EXOC6: variants seen among roughly 807,000 people sequenced by gnomAD.
The protein encoded by EXOC6 is SEC15-like 1.
EXOC6 carries 60 observed loss-of-function variants against 112.5 expected under a neutral mutation model. The ratio of observed to expected loss-of-function variants is 0.53; its 90% CI spans 0.43 to 0.66. EXOC6 has a LOEUF of 0.66. Among genes scored for constraint, EXOC6 ranks in the 30% least tolerant of loss-of-function variants. The probability of loss-of-function intolerance (pLI) is 0.00; values close to 1 mark genes in which losing one functional copy is unlikely to be tolerated. For missense variants in EXOC6, 855 were observed against 957.1 expected (o/e 0.89, Z 1.41); for synonymous variants, 295 against 308.0 (o/e 0.96, Z 0.44).
chr10:92,896,169 ATATATATATATATTTTTTTTTTTTTTT>A (rs1564809981), intron 4 of EXOC6, among the ~76,000 whole-genome samples: 8 of 24,590 alleles, frequency 3.3e-4, no homozygotes, highest in African/African-American at 1.2e-3. Context: ...ATATATATAT[ATATATATATATATTTTTTTTTTTTTTT>A]TTTTTTTTTT....
intron 1 of EXOC6, among the ~76,000 whole-genome samples, chr10:92,836,490 G>A (rs1467136790): frequency 6.6e-6 from 1 of 152,144 alleles, no homozygotes; most frequent in Non-Finnish European, 1.5e-5. Flanking sequence ...TCACGACCAT[G>A]CAGTGGGCCT....
chr10:92,947,612 A>G (rs1163489893), intron 13 of EXOC6, among the ~76,000 whole-genome samples: 1 of 152,202 alleles, frequency 6.6e-6, no homozygotes, highest in Non-Finnish European at 1.5e-5. Flanking sequence ...TATTCCTATC[A>G]AGAATTATGA....
Position 92,893,461 on chromosome 10 carries a change from G to C in EXOC6, c.214G>C (p.Gly72Arg), listed in dbSNP as rs1311981350. ...AAAGATGTGTAATTTTCATCATCAGGGTTTTGTAGATGCTATTACAGAACT... is the reference window on the plus strand; with the variant it reads ...AAAGATGTGTAATTTTCATCATCAGCGTTTTGTAGATGCTATTACAGAACT... Reference protein sequence around the residue: ...IEKMCNFHHQGFVDAITELLK... With the variant: ...IEKMCNFHHQRFVDAITELLK... The change falls in exon 2 of 22, where the codon GGT (glycine) becomes CGT (arginine). Residue 72 changes from glycine to arginine, a missense_variant. Around this residue, in one of 2 missense-constraint regions of EXOC6, gnomAD observed 405 missense variants for 393.6 expected, o/e 1.03. Transcript: ENST00000260762. The C allele has an allele frequency of 1.2e-6, 2 of 1,612,760 alleles. No individual in the cohort carries two copies. Among genetic ancestry groups the C allele is most frequent in the Non-Finnish European group, 1.7e-6 (2 of 1,179,290 alleles).
At chr10:93,019,199 T>TG (rs1844670665) in intron 20 of EXOC6, among the ~76,000 whole-genome samples, 1 of 152,184 alleles carries the variant, frequency 6.6e-6, no homozygotes, top group Non-Finnish European at 1.5e-5. Flanking sequence ...AGGCTAATCT[T>TG]GAACTCCAGG....
intron 20 of EXOC6, 119 bp from the exon 21 acceptor site, chr10:93,056,805 G>A (rs530488923): frequency 3.2e-5 from 20 of 615,920 alleles, no homozygotes; most frequent in East Asian, 6.5e-5. Context: ...ATGAATTTCC[G>A]TATTCTGTTC....
intron 7 of EXOC6, among the ~76,000 whole-genome samples, chr10:92,918,267 A>G (rs1294671865): frequency 6.6e-6 from 1 of 152,178 alleles, no homozygotes; most frequent in East Asian, 1.9e-4. Context: ...CAATTAATTT[A>G]TAAGTTTTGC....
intron 20 of EXOC6, among the ~76,000 whole-genome samples, chr10:93,051,476 G>A (rs764060203): frequency 2.6e-4 from 39 of 152,176 alleles, no homozygotes; most frequent in Non-Finnish European, 5.0e-4. Context: ...AAAAAGTGAG[G>A]TGGCTGGAGG....
At chr10:92,971,285 T>C (rs1432336364) in intron 17 of EXOC6, among the ~76,000 whole-genome samples, 1 of 152,176 alleles carries the variant, frequency 6.6e-6, no homozygotes, top group Non-Finnish European at 1.5e-5. Flanking sequence ...ACCCCGTGAT[T>C]CACCCGCCTT....
At chr10:92,994,784 A>C (rs181388886) in intron 18 of EXOC6, among the ~76,000 whole-genome samples, 1 of 150,864 alleles carries the variant, frequency 6.6e-6, no homozygotes, top group Non-Finnish European at 1.5e-5. Flanking sequence ...AATAATAATA[A>C]TAGTGTTCAG....
intron 21 of EXOC6, 82 bp from the exon 22 acceptor site, chr10:93,058,141 G>C: frequency 7.7e-7 from 1 of 1,292,706 alleles, no homozygotes. Context: ...GGATAATTCA[G>C]AGCATGCCAA....
At position 92,862,526 on chromosome 10, in the gene EXOC6, A is replaced by G. The variant is rs117942710; in HGVS notation, c.101+13892A>G. 8.8e-4 allele frequency among the ~76,000 whole-genome samples: 134 copies of G among 152,250 alleles called. 1 individual carries two copies. The highest frequency in any genetic ancestry group is 1.8e-3 in the Non-Finnish European group (120 of 68,004). On this transcript the variant is annotated intron_variant, in intron 1 of 21. Transcript: ENST00000260762. ...TGTGAGGATGCAGTTACAAGGCACC[A>G]TCTATGAACCAGAACTCACTAGACA...
chr10:92,857,930 T>G (rs771459184), intron 1 of EXOC6, among the ~76,000 whole-genome samples: 1 of 152,004 alleles, frequency 6.6e-6, no homozygotes, highest in Non-Finnish European at 1.5e-5. Context: ...TTGTTGTTGT[T>G]TGTCTGTTTT....
At chr10:92,859,352 CAG>C (rs1316124902) in intron 1 of EXOC6, among the ~76,000 whole-genome samples, 1 of 152,184 alleles carries the variant, frequency 6.6e-6, no homozygotes, top group Non-Finnish European at 1.5e-5. Context: ...CCTGGAATGA[CAG>C]TGATTTTAGC....
At chr10:92,983,046 C>G (rs542867892) in intron 18 of EXOC6, among the ~76,000 whole-genome samples, 1 of 152,256 alleles carries the variant, frequency 6.6e-6, no homozygotes, top group South Asian at 2.1e-4. Flanking sequence ...CTTAAGAATT[C>G]TTTCTGAGAA....
upstream of EXOC6, chr10:92,831,408 ATTCTT>A: frequency 1.9e-6 from 2 of 1,036,166 alleles, no homozygotes; most frequent in Non-Finnish European, 2.6e-6. Flanking sequence ...AGAGTATAGT[ATTCTT>A]CTATACTATA....
chr10:92,951,269 A>G (rs745616598), intron 14 of EXOC6, among the ~76,000 whole-genome samples: 3 of 152,176 alleles, frequency 2.0e-5, no homozygotes, highest in Non-Finnish European at 4.4e-5. Flanking sequence ...AAGTCATAAG[A>G]CCATATGAGA....
chr10:92,938,784 C>T (rs114646203), intron 12 of EXOC6, among the ~76,000 whole-genome samples: 2,183 of 152,064 alleles, frequency 0.014, 53 homozygotes, highest in African/African-American at 0.05. Context: ...TACTTGTAAA[C>T]GAATAAAATG....
chr10:92,997,186 A>T (rs1229338489), intron 18 of EXOC6, among the ~76,000 whole-genome samples: 1 of 152,140 alleles, frequency 6.6e-6, no homozygotes, highest in Non-Finnish European at 1.5e-5. Context: ...GTATTTCAAG[A>T]GATCTGAAAT....
At chr10:92,873,010 G>A (rs1848521974) in intron 1 of EXOC6, among the ~76,000 whole-genome samples, 1 of 152,156 alleles carries the variant, frequency 6.6e-6, no homozygotes, top group African/African-American at 2.4e-5. Context: ...TGGGAAAGCA[G>A]TCTATATTTG....
Sources: gnomAD v4.1 joint callset for allele counts (sites outside exome capture counted in the v4.1 genomes callset) on GRCh38, gnomAD v4.1.1 for gene constraint, gnomAD v4.1.1 regional missense constraint, MANE v1.5 for transcripts, NCBI Gene and HGNC (gene_info 2026-07-23, HGNC 2026-07-21) for gene names.